Variants in STPG2 observed in about 807,000 individuals in gnomAD.
STPG2 encodes the protein sperm-tail PG-rich repeat-containing protein 2.
Under a neutral mutation model 54.2 loss-of-function variants are expected in STPG2, and 56 were observed. The ratio of observed to expected loss-of-function variants is 1.03; its 90% CI spans 0.83 to 1.29. The LOEUF (loss-of-function observed/expected upper bound fraction) is 1.29, where lower values mean the gene tolerates loss of function less well. STPG2 is among the 50% of genes most tolerant of loss of function. The probability of loss-of-function intolerance (pLI) is 0.00; values close to 1 mark genes in which losing one functional copy is unlikely to be tolerated. For missense variants in STPG2, 596 were observed against 544.9 expected, an observed-to-expected ratio of 1.09 and a Z score of -0.93; for synonymous variants, 200 against 181.8, an observed-to-expected ratio of 1.10 and a Z score of -0.81.
chr4:97,764,112 GCACACACA>G (rs3974908), intron 9 of STPG2, among the ~76,000 whole-genome samples: 10 of 141,074 alleles, frequency 7.1e-5, no homozygotes, highest in African/African-American at 1.8e-4. Context: ...AACACCACAT[GCACACACA>G]CACACACACA....
At chr4:97,587,255 G>A (rs540356676) in intron 10 of STPG2, among the ~76,000 whole-genome samples, 3 of 151,824 alleles carry the variant, frequency 2.0e-5, no homozygotes, top group Non-Finnish European at 4.4e-5. Flanking sequence ...AAATATTAAA[G>A]TAATTATTAT....
chr4:97,568,277 A>G (rs1426875218), intron 10 of STPG2, among the ~76,000 whole-genome samples: 1 of 152,194 alleles, frequency 6.6e-6, no homozygotes, highest in East Asian at 1.9e-4. Context: ...TACCATCCTG[A>G]AACTTTTTTT....
At chr4:97,630,888 T>C (rs1721253945) in intron 10 of STPG2, among the ~76,000 whole-genome samples, 1 of 151,858 alleles carries the variant, frequency 6.6e-6, no homozygotes, top group Non-Finnish European at 1.5e-5. Context: ...ACATGATTCA[T>C]ATGAAAAATA....
chr4:98,074,887 A>G (rs1028817818), intron 5 of STPG2, among the ~76,000 whole-genome samples: 3 of 152,206 alleles, frequency 2.0e-5, no homozygotes, highest in African/African-American at 7.2e-5. Context: ...ATCTTGATCA[A>G]CTAGGGGTTC....
chr4:98,138,122 T>C (rs867041740), intron 1 of STPG2, among the ~76,000 whole-genome samples: 1 of 152,020 alleles, frequency 6.6e-6, no homozygotes, highest in Non-Finnish European at 1.5e-5. Context: ...GCATGTATGA[T>C]AGGCAGTGAG....
At position 98,017,176 on chromosome 4, in the gene STPG2, G is replaced by T. The variant is rs116368530; in HGVS notation, c.613-35858C>A. Among the ~76,000 whole-genome samples the T allele has an allele frequency of 6.5e-3, 997 of 152,342 alleles. 15 individuals carry two copies. Among genetic ancestry groups the T allele is most frequent in the Non-Finnish European group, 7.1e-3 (480 of 68,040 alleles). On this transcript the variant is annotated intron_variant, in intron 5 of 10. Transcript: ENST00000295268. Reference sequence around the variant, plus strand: ...GTCTACTGAGGATGGCTTGGTGTTAGGACAGGCCTAGAGCGTGGATCTGCA... The same window carrying T: ...GTCTACTGAGGATGGCTTGGTGTTATGACAGGCCTAGAGCGTGGATCTGCA...
At chr4:98,109,156 G>C in intron 4 of STPG2, 37 bp downstream of exon 4, 1 of 1,244,388 alleles carries the variant, frequency 8.0e-7, no homozygotes, top group East Asian at 2.4e-5. Flanking sequence ...TTCTAGTCAA[G>C]AGCTACATTA....
At chr4:97,845,068 G>T (rs1728908933) in intron 8 of STPG2, among the ~76,000 whole-genome samples, 1 of 151,004 alleles carries the variant, frequency 6.6e-6, no homozygotes, top group African/African-American at 2.4e-5. Flanking sequence ...TTGGCTCACT[G>T]CTAGCATGTT....
chr4:97,751,715 T>G (rs1169048591), intron 9 of STPG2, among the ~76,000 whole-genome samples: 1 of 151,762 alleles, frequency 6.6e-6, no homozygotes, highest in Non-Finnish European at 1.5e-5. Flanking sequence ...GTTGGATTTA[T>G]GAGAATCAAT....
intron 4 of STPG2, among the ~76,000 whole-genome samples, chr4:97,445,001 C>A (rs990968471): frequency 1.1e-4 from 16 of 152,126 alleles, no homozygotes; most frequent in African/African-American, 3.9e-4. Context: ...CGTGCCACTG[C>A]ACTCCAGCCT....
intron 10 of STPG2, among the ~76,000 whole-genome samples, chr4:97,694,672 G>C (rs1169317992): frequency 6.6e-6 from 1 of 151,352 alleles, no homozygotes; most frequent in East Asian, 1.9e-4. Context: ...AGTTAGCTGA[G>C]TGTGGTGGCA....
At chr4:97,469,898 G>A (rs1159847948) in intron 4 of STPG2, among the ~76,000 whole-genome samples, 1 of 152,042 alleles carries the variant, frequency 6.6e-6, no homozygotes, top group Non-Finnish European at 1.5e-5. Context: ...GAGAGCGACT[G>A]GAGAGAGTAT....
chr4:97,650,215 G>T (rs1050303162), intron 10 of STPG2, among the ~76,000 whole-genome samples: 8 of 152,118 alleles, frequency 5.3e-5, no homozygotes, highest in African/African-American at 1.7e-4. Flanking sequence ...CATACCTCCT[G>T]CTATGCAGCC....
chr4:98,094,171 T>C (rs2110129167), intron 5 of STPG2, among the ~76,000 whole-genome samples: 1 of 151,866 alleles, frequency 6.6e-6, no homozygotes, highest in African/African-American at 2.4e-5. Context: ...TTAAAGAGAG[T>C]GAAGAGTAAA....
chr4:97,972,124 T>C (rs1734348703), intron 7 of STPG2, among the ~76,000 whole-genome samples, 156 bp downstream of exon 7: 1 of 152,238 alleles, frequency 6.6e-6, no homozygotes, highest in African/African-American at 2.4e-5. Context: ...TATTATGTAA[T>C]ATGTTCAATA....
chr4:97,643,855 ATAGT>A (rs1721833334), intron 10 of STPG2, among the ~76,000 whole-genome samples: 1 of 151,862 alleles, frequency 6.6e-6, no homozygotes, highest in Non-Finnish European at 1.5e-5. Flanking sequence ...ATTTTTGGGC[ATAGT>A]TACTTTTCCA....
chr4:97,830,464 A>G (rs1728416986), intron 9 of STPG2, among the ~76,000 whole-genome samples: 1 of 152,192 alleles, frequency 6.6e-6, no homozygotes, highest in South Asian at 2.1e-4. Context: ...AAACTGCACC[A>G]ACTAAGGGGC....
intron 5 of STPG2, among the ~76,000 whole-genome samples, chr4:98,035,945 G>C (rs1054125487): frequency 6.6e-6 from 1 of 151,846 alleles, no homozygotes; most frequent in Non-Finnish European, 1.5e-5. Context: ...AGGGCCTGTC[G>C]AGGGGTGGGG....
chr4:97,594,120 G>A (rs1039018246), intron 10 of STPG2, among the ~76,000 whole-genome samples: 2 of 152,134 alleles, frequency 1.3e-5, no homozygotes, highest in African/African-American at 4.8e-5. Flanking sequence ...AACTGTACTC[G>A]TTCCCCAGCA....
Sources: gnomAD v4.1 joint callset for allele counts (sites outside exome capture counted in the v4.1 genomes callset) on GRCh38, gnomAD v4.1.1 for gene constraint, MANE v1.5 for transcripts, NCBI Gene and HGNC (gene_info 2026-07-23, HGNC 2026-07-21) for gene names.